Variants in RAB3GAP2 observed in about 807,000 individuals in gnomAD.
RAB3GAP2 encodes the protein RAB3 GTPase activating non-catalytic protein subunit 2, also known as rab3 GTPase-activating protein non-catalytic subunit.
RAB3GAP2 carries 87 observed loss-of-function variants against 185.3 expected under a neutral mutation model. The observed-to-expected ratio is 0.47, with a 90% CI of 0.39 to 0.56. The LOEUF is 0.56. RAB3GAP2 is among the 20% of genes least tolerant of loss of function. The probability of loss-of-function intolerance (pLI) is 0.00; values close to 1 mark genes in which losing one functional copy is unlikely to be tolerated. For synonymous variants in RAB3GAP2, 554 were observed against 576.1 expected, an observed-to-expected ratio of 0.96 and a Z score of 0.55; for missense variants, 1,492 against 1,638.2, an observed-to-expected ratio of 0.91 and a Z score of 1.54.
At chr1:220,235,160 A>C (rs1276462264) in intron 1 of RAB3GAP2, among the ~76,000 whole-genome samples, 1 of 152,228 alleles carries the variant, frequency 6.6e-6, no homozygotes, top group Non-Finnish European at 1.5e-5. Flanking sequence ...TGGAGTTTAC[A>C]GTTAAGGCCA....
intron 2 of RAB3GAP2, 46 bp downstream of exon 2, chr1:220,232,753 G>C: frequency 6.7e-7 from 1 of 1,484,010 alleles, no homozygotes; most frequent in Non-Finnish European, 9.4e-7. Context: ...ATTACAAAAG[G>C]AAAATGCCAC....
At chr1:220,249,304 G>A (rs950348672) in intron 1 of RAB3GAP2, among the ~76,000 whole-genome samples, 3 of 152,146 alleles carry the variant, frequency 2.0e-5, no homozygotes, top group African/African-American at 7.2e-5. Context: ...GGACAATGAA[G>A]TCCAAGCTGA....
At chr1:220,211,106 G>C in intron 4 of RAB3GAP2, 104 bp from the exon 5 acceptor site, 1 of 1,125,620 alleles carries the variant, frequency 8.9e-7, no homozygotes, top group South Asian at 1.3e-5. Flanking sequence ...GATGACTTCT[G>C]TGAACCAGTT....
At chr1:220,210,293 CA>C in intron 7 of RAB3GAP2, 94 bp downstream of exon 7, 2 of 914,876 alleles carry the variant, frequency 2.2e-6, no homozygotes, top group Non-Finnish European at 3.7e-6. Flanking sequence ...TGCCACAAGA[CA>C]AAGATCTCTT....
chr1:220,160,071 A>G (rs1468305358), intron 28 of RAB3GAP2, among the ~76,000 whole-genome samples: 3 of 152,136 alleles, frequency 2.0e-5, no homozygotes, highest in African/African-American at 7.2e-5. Flanking sequence ...CAGGGCTACT[A>G]ATCAAGAACA....
chr1:220,210,586 C>G (rs1257158155), intron 6 of RAB3GAP2, 97 bp from the exon 7 acceptor site: 2 of 1,043,806 alleles, frequency 1.9e-6, no homozygotes, highest in Non-Finnish European at 3.0e-6. Context: ...CAACAGTTTT[C>G]CAGAGATACC....
At position 220,190,064 on chromosome 1, in the gene RAB3GAP2, C is replaced by A; in HGVS notation, c.1714G>T (p.Asp572Tyr). 1 of 1,602,370 alleles carries A rather than the reference C, an allele frequency of 6.2e-7. No individual in the cohort carries two copies. The highest frequency in any genetic ancestry group is 8.5e-7 in the Non-Finnish European group (1 of 1,169,590). ...ALLKTKSPNL[D>Y]LVETEIKELI... ...ATTATTTGTATGAGAGAATACCTACCAAGATTGGGAGATTTTGTTTTCAGT... is the reference window on the plus strand; with the variant it reads ...ATTATTTGTATGAGAGAATACCTACAAAGATTGGGAGATTTTGTTTTCAGT... The change falls in exon 16 of 35, where the codon GAT becomes TAT. Residue 572 changes from aspartate to tyrosine, a missense_variant and splice_region_variant. This residue lies in a region of RAB3GAP2 where 681 missense variants were observed against 689.1 expected (regional missense o/e 0.99). Transcript: ENST00000358951.
chr1:220,211,037 T>G (rs765208582), intron 4 of RAB3GAP2, 35 bp from the exon 5 acceptor site: 38 of 1,588,238 alleles, frequency 2.4e-5, no homozygotes, highest in Admixed American at 5.0e-5. Flanking sequence ...GCTTACCCAC[T>G]GAACTTACCA....
At chr1:220,189,635 TA>T in intron 17 of RAB3GAP2, 67 bp downstream of exon 17, 1 of 1,411,340 alleles carries the variant, frequency 7.1e-7, no homozygotes, top group Non-Finnish European at 9.5e-7. Context: ...AATAGGAAAA[TA>T]AAGATTTTCT....
chr1:220,210,211 CA>C (rs1342039999), intron 7 of RAB3GAP2, among the ~76,000 whole-genome samples, 176 bp downstream of exon 7: 2 of 152,044 alleles, frequency 1.3e-5, no homozygotes, highest in African/African-American at 4.8e-5. Context: ...TAAGTAAAAG[CA>C]AGACTGGTAT....
chr1:220,237,124 T>C (rs1659608391), intron 1 of RAB3GAP2, among the ~76,000 whole-genome samples: 1 of 152,122 alleles, frequency 6.6e-6, no homozygotes, highest in Non-Finnish European at 1.5e-5. Flanking sequence ...GCAAATCAAT[T>C]TAACAAAAGG....
At chr1:220,177,544 C>T (rs926838881) in intron 21 of RAB3GAP2, among the ~76,000 whole-genome samples, 1 of 151,984 alleles carries the variant, frequency 6.6e-6, no homozygotes, top group Non-Finnish European at 1.5e-5. Flanking sequence ...GGAAGCTCAA[C>T]AAACTTTAAG....
intron 21 of RAB3GAP2, among the ~76,000 whole-genome samples, chr1:220,176,286 T>C (rs1442692471): frequency 1.3e-5 from 2 of 152,192 alleles, no homozygotes; most frequent in Non-Finnish European, 2.9e-5. Context: ...ATGTTATATA[T>C]TGACATATAA....
rs922683615 is a variant in RAB3GAP2, at chr1:220,211,140, A to G, written c.387-138T>C. On this transcript the variant is annotated intron_variant, in intron 4 of 34. Coordinates refer to ENST00000358951, the MANE Select transcript of RAB3GAP2 (RefSeq NM_012414.4). ...TTTTATTTGATGCATAAGTAAAAAT[A>G]CAGTAAAACTCCACCACTGGTAAGG... is the stretch of plus-strand genomic sequence containing the variant. The G allele has an allele frequency of 6.2e-6, 5 of 800,188 alleles. No homozygotes were observed. The African/African-American group carries it at 8.6e-5, about 14-fold the overall frequency. 49.6% of individuals were successfully genotyped at this position (800,188 alleles called of 1,614,324 possible). A position where few individuals can be genotyped will look rare whatever the true frequency, so the allele number is the denominator to read the frequency against.
At chr1:220,200,704 A>T in intron 9 of RAB3GAP2, 1 of 503,760 alleles carries the variant, frequency 2.0e-6, no homozygotes, top group Non-Finnish European at 4.1e-6. Context: ...GCTAGCAAAA[A>T]AGTAGACACA....
chr1:220,212,954 T>C lies in RAB3GAP2; in HGVS notation c.319A>G (p.Ser107Gly). The change falls in exon 4 of 35, where the codon AGT becomes GGT. Residue 107 changes from serine to glycine, a missense_variant. By Grantham distance (56) the Ser-to-Gly change is moderately conservative. Transcript: ENST00000358951. The part of the protein sequence containing the change: ...AVFLVPKWKY[S>G]DKGKEEMQFA... ...TGCATTTCTTCCTTTCCTTTATCAC[T>C]ATATTTCCATTTTGCTGTAAGAATT... 6.2e-7 allele frequency: 1 copy of C among 1,610,848 alleles called. No homozygotes were observed. Among genetic ancestry groups the C allele is most frequent in the Non-Finnish European group, 8.5e-7 (1 of 1,177,554 alleles).
Position 220,211,419 on chromosome 1 carries a change from C to A in RAB3GAP2, c.387-417G>T, listed in dbSNP as rs1360953641. ...CTCTTGTTTGAGATCAGGAGCTGGG[C>A]AAATGGTTGAGGAACTGCCAGTCAC... On this transcript the variant is annotated intron_variant, in intron 4 of 34. Coordinates refer to ENST00000358951, the MANE Select transcript of RAB3GAP2 (RefSeq NM_012414.4). 3 of 460,660 alleles carry A rather than the reference C, an allele frequency of 6.5e-6. No individual in the cohort carries two copies. The Admixed American group carries it at 7.0e-5, about 11-fold the overall frequency. The allele number at this position is 460,660 out of a possible 1,614,324, so 28.5% of individuals were successfully genotyped here.
intron 1 of RAB3GAP2, among the ~76,000 whole-genome samples, chr1:220,240,215 T>C (rs10863540): frequency 0.095 from 14,517 of 152,176 alleles, 1,119 homozygotes; most frequent in African/African-American, 0.21. Context: ...GGAGATGTTG[T>C]TCCTAAAGTG....
intron 9 of RAB3GAP2, among the ~76,000 whole-genome samples, chr1:220,198,279 G>A (rs533670658): frequency 6.6e-6 from 1 of 152,012 alleles, no homozygotes; most frequent in East Asian, 1.9e-4. Context: ...AATACCTCTG[G>A]GTTTCAAAGT....
Sources: gnomAD v4.1 joint callset for allele counts (sites outside exome capture counted in the v4.1 genomes callset) on GRCh38, gnomAD v4.1.1 for gene constraint, gnomAD v4.1.1 regional missense constraint, MANE v1.5 for transcripts, NCBI Gene and HGNC (gene_info 2026-07-23, HGNC 2026-07-21) for gene names.